Variants in AGAP1 observed in about 807,000 individuals in gnomAD.
The protein encoded by AGAP1 is ArfGAP with GTPase domain, ankyrin repeat and PH domain 1.
A neutral mutation model predicts 105.3 loss-of-function variants in AGAP1; 29 were observed. The ratio of observed to expected loss-of-function variants is 0.28; its 90% confidence interval spans 0.21 to 0.38. The LOEUF (loss-of-function observed/expected upper bound fraction) is 0.38, where lower values mean the gene tolerates loss of function less well. AGAP1 is among the 10% of genes least tolerant of loss of function. AGAP1 has a pLI of 1.00. For synonymous variants in AGAP1, 509 were observed against 485.9 expected (o/e 1.05, Z -0.63); for missense variants, 998 against 1,165.1 (o/e 0.86, Z 2.09).
chr2:235,644,069 G>A (rs1180701557), intron 1 of AGAP1, among the ~76,000 whole-genome samples: 6 of 152,160 alleles, frequency 3.9e-5, no homozygotes, highest in Admixed American at 2.0e-4. Context: ...CTATTGCAAA[G>A]CAGCCTTCAC....
At chr2:235,757,116 C>G (rs980412139) in intron 6 of AGAP1, among the ~76,000 whole-genome samples, 2 of 152,176 alleles carry the variant, frequency 1.3e-5, no homozygotes, top group South Asian at 2.1e-4. Flanking sequence ...ATAGGAAAAC[C>G]TACATGCAGA....
intron 13 of AGAP1, among the ~76,000 whole-genome samples, chr2:235,972,439 G>A (rs901298604): frequency 4.6e-5 from 7 of 152,178 alleles, no homozygotes; most frequent in African/African-American, 1.4e-4. Flanking sequence ...CTGGTTCGCC[G>A]AGGAGTCTTC....
In AGAP1 at chr2:235,740,670, G is replaced by T. The variant is rs761945061; in HGVS notation, c.311-293G>T. Among the ~76,000 whole-genome samples, 105 of 152,164 alleles carry T rather than the reference G, an allele frequency of 6.9e-4. No homozygotes were observed. The highest frequency in any genetic ancestry group is 1.4e-3 in the Non-Finnish European group (94 of 68,042). Reference sequence around the variant, plus strand: ...TGTTTCCCAGTGAGTGAGAATTCCTGAATTTACATAGAAAGCCCACATGAG... The same window carrying T: ...TGTTTCCCAGTGAGTGAGAATTCCTTAATTTACATAGAAAGCCCACATGAG... On this transcript the variant is annotated intron_variant, in intron 3 of 17. Coordinates refer to ENST00000304032, the MANE Select transcript of AGAP1 (RefSeq NM_001037131.3). The surrounding 1 kb of genome is among the most constrained non-coding windows in gnomAD (Gnocchi z 5.7).
chr2:235,576,176 C>T (rs980992947), intron 1 of AGAP1, among the ~76,000 whole-genome samples: 4 of 152,168 alleles, frequency 2.6e-5, no homozygotes, highest in South Asian at 2.1e-4. Context: ...CCATACCTGG[C>T]GCAACCCTGG....
chr2:235,514,119 G>A (rs551383822), intron 1 of AGAP1, among the ~76,000 whole-genome samples: 18 of 152,050 alleles, frequency 1.2e-4, no homozygotes, highest in Middle Eastern at 3.4e-3. Context: ...CGATTTCCCC[G>A]AGTCTCACCT....
Position 235,855,288 on chromosome 2 carries a change from A to C in AGAP1, c.1051-28057A>C, listed in dbSNP as rs2048639404. Among the ~76,000 whole-genome samples, 1 of 152,206 alleles carries C rather than the reference A, an allele frequency of 6.6e-6. No individual in the cohort carries two copies. The highest frequency in any genetic ancestry group is 1.5e-5 in the Non-Finnish European group (1 of 68,034). ...ACAAAAGTCTACCTGGAAAATGGTT[A>C]CTTTGATTTTCCAGGGAGTGAGTAG... On this transcript the variant is annotated intron_variant, in intron 9 of 17. Coordinates refer to ENST00000304032, the MANE Select transcript of AGAP1 (RefSeq NM_001037131.3). This position sits in a 1 kb window ranked among gnomAD's most constrained non-coding sequence, Gnocchi z 5.0.
intron 1 of AGAP1, among the ~76,000 whole-genome samples, chr2:235,581,354 T>G (rs1456440945): frequency 6.6e-6 from 1 of 151,132 alleles, no homozygotes; most frequent in East Asian, 1.9e-4. Flanking sequence ...ACTTGGAGGT[T>G]GCACACTGTT....
At chr2:236,029,937 C>A (rs573857338) in intron 13 of AGAP1, among the ~76,000 whole-genome samples, 2 of 152,150 alleles carry the variant, frequency 1.3e-5, no homozygotes, top group East Asian at 3.9e-4. Flanking sequence ...TGAGGTCTCA[C>A]TGTGTTGCCC....
At position 235,501,006 on chromosome 2, in the gene AGAP1, ACC is replaced by A. The variant is rs1255652280; in HGVS notation, c.163+6159_163+6160del. Among the ~76,000 whole-genome samples, 5 of 152,218 alleles carry A rather than the reference ACC, an allele frequency of 3.3e-5. No individual in the cohort carries two copies. The East Asian group carries it at 9.7e-4, about 29-fold the overall frequency. On this transcript the variant is annotated intron_variant, in intron 1 of 17. Coordinates refer to ENST00000304032, the MANE Select transcript of AGAP1 (RefSeq NM_001037131.3). ...TTAACACCAATCAAAGAGCCTCAAT[ACC>A]CTGTATGGCCTGCTTTCCATGGGAC... is the stretch of plus-strand genomic sequence containing the variant.
At chr2:235,649,748 A>G (rs1201466759) in intron 1 of AGAP1, among the ~76,000 whole-genome samples, 1 of 152,186 alleles carries the variant, frequency 6.6e-6, no homozygotes, top group Non-Finnish European at 1.5e-5. Context: ...GAGGAGCACT[A>G]CGCTGTAGGT....
intron 9 of AGAP1, among the ~76,000 whole-genome samples, chr2:235,807,704 G>A (rs139035941): frequency 3.9e-5 from 6 of 152,286 alleles, no homozygotes; most frequent in Non-Finnish European, 7.4e-5. Context: ...ACAGCCCGAC[G>A]TGGCCCTAAT....
Position 235,981,443 on chromosome 2 carries a change from C to T in AGAP1, c.1645+12820C>T, listed in dbSNP as rs188489013. Among the ~76,000 whole-genome samples the T allele has an allele frequency of 0.016, 2,136 of 131,688 alleles. 56 individuals carry two copies. Among genetic ancestry groups the T allele is most frequent in the African/African-American group, 0.061 (2,031 of 33,140 alleles). The allele number at this position is 131,688 out of a possible 152,430, so 86.4% of individuals were successfully genotyped here. ...TGACCAGAATTTCTAAGTTCATGTT[C>T]CATGCGTACACACACACACACACAC... On this transcript the variant is annotated intron_variant, in intron 13 of 17. Transcript: ENST00000304032. The surrounding 1 kb of genome is among the most constrained non-coding windows in gnomAD (Gnocchi z 5.5).
chr2:235,972,660 A>G (rs1297861013), intron 13 of AGAP1, among the ~76,000 whole-genome samples: 3 of 152,190 alleles, frequency 2.0e-5, no homozygotes, highest in South Asian at 2.1e-4. Flanking sequence ...CTCCTTGGCC[A>G]AATCCAACCA....
Position 235,521,336 on chromosome 2 carries a change from A to C in AGAP1, c.163+26487A>C, listed in dbSNP as rs569021776. 1.2e-4 allele frequency among the ~76,000 whole-genome samples: 19 copies of C among 152,348 alleles called. No individual in the cohort carries two copies. The South Asian group carries it at 3.7e-3, about 30-fold the overall frequency. On this transcript the variant is annotated intron_variant, in intron 1 of 17. Transcript: ENST00000304032. ...TAGGGAAATAGTTATATAACTAGTT[A>C]ACATATTTGTGTGGAACCAATGTCA...
At position 235,936,377 on chromosome 2, in the gene AGAP1, G is replaced by C. The variant is rs536486661; in HGVS notation, c.1483+5454G>C. ...TCATTATATCTTTCCAGTAGACTCT[G>C]TGGTTATAAAGCAGCCGATCCTCAA... is the stretch of plus-strand genomic sequence containing the variant. On this transcript the variant is annotated intron_variant, in intron 12 of 17. Transcript: ENST00000304032. This position sits in a 1 kb window ranked among gnomAD's most constrained non-coding sequence, Gnocchi z 4.7. Among the ~76,000 whole-genome samples the C allele has an allele frequency of 1.3e-4, 20 of 152,284 alleles. No homozygotes were observed. The highest frequency in any genetic ancestry group is 5.8e-4 in the East Asian group (3 of 5,180).
intron 1 of AGAP1, among the ~76,000 whole-genome samples, chr2:235,604,503 C>T (rs1446183719): frequency 2.1e-5 from 3 of 145,362 alleles, no homozygotes; most frequent in Non-Finnish European, 4.5e-5. Flanking sequence ...AAAAAAAGTG[C>T]TTGTTACTGT....
chr2:235,698,555 CAT>C (rs1283938664), intron 1 of AGAP1, among the ~76,000 whole-genome samples: 1 of 152,204 alleles, frequency 6.6e-6, no homozygotes, highest in Non-Finnish European at 1.5e-5. Context: ...TCAGCAGTTT[CAT>C]TTTAGGTGTT....
chr2:235,636,768 C>T lies in AGAP1; in HGVS notation c.164-72411C>T, dbSNP rs150425102. On this transcript the variant is annotated intron_variant, in intron 1 of 17. Transcript: ENST00000304032. ...TCGTCTCTCAGAATGGAAATAAGGT[C>T]GTCGCAGATGTAATTATTTAGGATG... 3.5e-3 allele frequency among the ~76,000 whole-genome samples: 536 copies of T among 152,186 alleles called. 1 individual carries two copies. The highest frequency in any genetic ancestry group is 8.4e-3 in the Admixed American group (129 of 15,274).
At chr2:235,597,745 C>T (rs112328862) in intron 1 of AGAP1, among the ~76,000 whole-genome samples, 4 of 147,554 alleles carry the variant, frequency 2.7e-5, no homozygotes, top group African/African-American at 7.7e-5. Context: ...CGTGCACGCG[C>T]TCCCGTGTTT....
Sources: allele counts gnomAD v4.1 joint callset (sites outside exome capture counted in the v4.1 genomes callset), GRCh38; gene constraint gnomAD v4.1.1; non-coding constraint Gnocchi (gnomAD v3.1); transcripts MANE v1.5; gene names NCBI Gene and HGNC (gene_info 2026-07-23, HGNC 2026-07-21).